Variants in GRIN2A observed in about 807,000 individuals in gnomAD.
The protein encoded by GRIN2A is glutamate receptor ionotropic, NMDA 2A.
In GRIN2A, 22 loss-of-function variants were observed where a neutral mutation model predicts 113.4. The ratio of observed to expected loss-of-function variants is 0.19; its 90% CI spans 0.14 to 0.28. The LOEUF (loss-of-function observed/expected upper bound fraction) is 0.28. Among genes scored for constraint, GRIN2A ranks in the 10% least tolerant of loss-of-function variants. The pLI is 1.00. For synonymous variants in GRIN2A, 827 were observed against 738.4 expected (o/e 1.12, Z -1.94); for missense variants, 1,502 against 1,887.0 (o/e 0.80, Z 3.78).
At chr16:10,110,643 G>C (rs2048594999) in intron 2 of GRIN2A, among the ~76,000 whole-genome samples, 2 of 152,214 alleles carry the variant, frequency 1.3e-5, no homozygotes, top group African/African-American at 4.8e-5. Flanking sequence ...CAGACTGCAA[G>C]TATGAGATAA....
intron 3 of GRIN2A, among the ~76,000 whole-genome samples, chr16:9,917,590 CACTTTA>C (rs1225302006): frequency 2.6e-5 from 4 of 152,206 alleles, no homozygotes; most frequent in African/African-American, 9.7e-5. Flanking sequence ...ACATCTTTTG[CACTTTA>C]ACTTTTTTGA....
At chr16:10,026,511 T>G (rs1052644633) in intron 2 of GRIN2A, among the ~76,000 whole-genome samples, 1 of 151,284 alleles carries the variant, frequency 6.6e-6, no homozygotes, top group Non-Finnish European at 1.5e-5. Flanking sequence ...AAAAAGAAAG[T>G]CCTTCCTAAA....
At chr16:9,799,781 A>G (rs1903243467) in intron 10 of GRIN2A, among the ~76,000 whole-genome samples, 1 of 152,154 alleles carries the variant, frequency 6.6e-6, no homozygotes. Context: ...TTTTTGATAC[A>G]CTTATTTTTA....
At chr16:9,828,196 G>A (rs1012902288) in intron 9 of GRIN2A, among the ~76,000 whole-genome samples, 1 of 152,200 alleles carries the variant, frequency 6.6e-6, no homozygotes, top group Non-Finnish European at 1.5e-5. Flanking sequence ...TAGTGACAGG[G>A]ATGGAGCAAG....
intron 2 of GRIN2A, among the ~76,000 whole-genome samples, chr16:10,055,112 GAA>G (rs75759716): frequency 1.5e-5 from 1 of 67,358 alleles, no homozygotes. Context: ...AAAGAAAAAA[GAA>G]AAAAAAAACA....
At chr16:9,962,506 G>T (rs2045463178) in intron 2 of GRIN2A, among the ~76,000 whole-genome samples, 1 of 152,046 alleles carries the variant, frequency 6.6e-6, no homozygotes, top group South Asian at 2.1e-4. Flanking sequence ...AAAAACACAT[G>T]AAAAAATGCT....
intron 11 of GRIN2A, among the ~76,000 whole-genome samples, chr16:9,782,184 C>T (rs568308498): frequency 6.6e-6 from 1 of 152,238 alleles, no homozygotes; most frequent in East Asian, 1.9e-4. Context: ...GGTGTCTGCA[C>T]TAAACATATA....
At chr16:9,891,887 G>C (rs1243954684) in intron 3 of GRIN2A, among the ~76,000 whole-genome samples, 1 of 152,134 alleles carries the variant, frequency 6.6e-6, no homozygotes, top group Non-Finnish European at 1.5e-5. Context: ...AGATGAATAG[G>C]AACAGAAAGT....
intron 2 of GRIN2A, among the ~76,000 whole-genome samples, chr16:9,997,860 A>ATATG (rs1378874431): frequency 1.3e-5 from 2 of 152,286 alleles, no homozygotes; most frequent in African/African-American, 4.8e-5. Context: ...CATGTAAGAC[A>ATATG]TGCCTTTGTT....
intron 3 of GRIN2A, among the ~76,000 whole-genome samples, chr16:9,908,862 G>A (rs966101974): frequency 6.6e-6 from 1 of 152,156 alleles, no homozygotes; most frequent in African/African-American, 2.4e-5. Context: ...CTGGCACCAG[G>A]CCCTCCCTGG....
intron 2 of GRIN2A, among the ~76,000 whole-genome samples, chr16:10,136,760 C>T (rs2049199569): frequency 6.6e-6 from 1 of 152,130 alleles, no homozygotes; most frequent in South Asian, 2.1e-4. Context: ...GGGGAACTGA[C>T]CTTGGGCCTC....
intron 2 of GRIN2A, among the ~76,000 whole-genome samples, chr16:9,959,650 T>C (rs1174882950): frequency 6.6e-6 from 1 of 152,242 alleles, no homozygotes; most frequent in Non-Finnish European, 1.5e-5. Flanking sequence ...GGCTTGCCAA[T>C]GGTTTTCTTG....
chr16:9,828,026 T>A (rs1358238045), intron 9 of GRIN2A, among the ~76,000 whole-genome samples: 1 of 152,224 alleles, frequency 6.6e-6, no homozygotes, highest in African/African-American at 2.4e-5. Flanking sequence ...CTGAGCTCAT[T>A]CTGCCAAGTT....
intron 2 of GRIN2A, among the ~76,000 whole-genome samples, chr16:10,086,962 G>A (rs2142070700): frequency 6.6e-6 from 1 of 152,342 alleles, no homozygotes; most frequent in African/African-American, 2.4e-5. Flanking sequence ...TTTCTCTTGA[G>A]CATGAATGAA....
rs146795294 is a variant in GRIN2A, at chr16:9,817,408, A to T, written c.2168+4856T>A. On this transcript the variant is annotated intron_variant, in intron 10 of 12. Transcript: ENST00000330684. ...GGAATCTGCATTTTGACAGGTAATC[A>T]TGTGATTCAGGTACAGTTGGTCCAT... 5.1e-3 allele frequency among the ~76,000 whole-genome samples: 772 copies of T among 152,330 alleles called. 3 individuals carry two copies. Among genetic ancestry groups the T allele is most frequent in the African/African-American group, 0.017 (721 of 41,570 alleles).
At chr16:9,873,649 C>T (rs906524006) in intron 4 of GRIN2A, among the ~76,000 whole-genome samples, 3 of 152,220 alleles carry the variant, frequency 2.0e-5, no homozygotes, top group Non-Finnish European at 4.4e-5. Context: ...GAAATGTTTA[C>T]TATTCTTGCA....
intron 2 of GRIN2A, among the ~76,000 whole-genome samples, chr16:9,939,429 T>C (rs1370930639): frequency 6.6e-6 from 1 of 151,736 alleles, no homozygotes; most frequent in Non-Finnish European, 1.5e-5. Context: ...TAAGGGAGAG[T>C]CACTGAATGC....
intron 2 of GRIN2A, among the ~76,000 whole-genome samples, chr16:10,109,512 G>A (rs552604000): frequency 3.3e-5 from 5 of 151,788 alleles, no homozygotes; most frequent in Admixed American, 6.6e-5. Flanking sequence ...ATGCAAAAGT[G>A]CCCCACAAAA....
intron 10 of GRIN2A, among the ~76,000 whole-genome samples, chr16:9,802,554 A>T (rs1177668754): frequency 6.6e-6 from 1 of 152,212 alleles, no homozygotes; most frequent in Admixed American, 6.5e-5. Flanking sequence ...TTTCACAGAC[A>T]TCATCCCACT....
Sources: allele counts gnomAD v4.1 joint callset (sites outside exome capture counted in the v4.1 genomes callset), GRCh38; gene constraint gnomAD v4.1.1; transcripts MANE v1.5; gene names NCBI Gene and HGNC (gene_info 2026-07-23, HGNC 2026-07-21).